Variants in FBXW8 observed in about 807,000 individuals in gnomAD.
FBXW8 encodes the protein F-box and WD repeat domain containing 8.
FBXW8 carries 57 observed loss-of-function variants against 65.3 expected under a neutral mutation model. That is an observed-to-expected ratio of 0.87 (90% CI 0.71 to 1.09). FBXW8 has a LOEUF of 1.09. Ranked by LOEUF, FBXW8 falls within the 50% of genes least tolerant of loss-of-function variation. The pLI is 0.00. For synonymous variants in FBXW8, 308 were observed against 330.2 expected (o/e 0.93, Z 0.73); for missense variants, 777 against 814.8 (o/e 0.95, Z 0.57).
At chr12:116,954,821 C>T (rs1229748203) in intron 4 of FBXW8, among the ~76,000 whole-genome samples, 3 of 152,166 alleles carry the variant, frequency 2.0e-5, no homozygotes, top group Non-Finnish European at 2.9e-5. Flanking sequence ...TGCCATCTTC[C>T]TGTTAGTGCT....
intron 4 of FBXW8, among the ~76,000 whole-genome samples, chr12:116,956,988 C>G (rs779463813): frequency 1.3e-5 from 2 of 151,928 alleles, no homozygotes; most frequent in Non-Finnish European, 2.9e-5. Flanking sequence ...ACAAAGTCAT[C>G]TAAGGTAACT....
rs761140408 is a variant in FBXW8 at position 116,928,059 on chromosome 12, C to T, written c.355C>T (p.Leu119=). The part of the protein sequence containing the change: ...MNDVPFFDIQ[L]PYELAINIFQ... ...TGATGTGCCTTTCTTTGATATCCAA[C>T]TGCCTTACGAATTGGCAATCAATAT... is the stretch of plus-strand genomic sequence containing the variant. The change falls in exon 2 of 11, where the codon CTG becomes TTG. Residue 119 remains leucine (L), a synonymous_variant. Transcript: ENST00000652555. 1 of 1,610,434 alleles carries T rather than the reference C, an allele frequency of 6.2e-7. No homozygotes were observed. The highest frequency in any genetic ancestry group is 8.5e-7 in the Non-Finnish European group (1 of 1,178,560).
chr12:116,957,988 C>A (rs919398079), intron 4 of FBXW8, among the ~76,000 whole-genome samples: 2 of 152,164 alleles, frequency 1.3e-5, no homozygotes, highest in Non-Finnish European at 2.9e-5. Context: ...TCTGGTTCTC[C>A]GAGGAATAAT....
intron 8 of FBXW8, among the ~76,000 whole-genome samples, chr12:117,017,899 C>T (rs757079409): frequency 3.3e-5 from 5 of 152,216 alleles, no homozygotes; most frequent in Non-Finnish European, 7.3e-5. Context: ...TACAGAGTCT[C>T]AGTGCTTGCT....
chr12:117,007,826 T>C (rs1953715220), intron 7 of FBXW8, among the ~76,000 whole-genome samples: 1 of 151,482 alleles, frequency 6.6e-6, no homozygotes, highest in African/African-American at 2.4e-5. Context: ...AGAGAGAGAG[T>C]GCGTGGGAGG....
Position 117,016,110 on chromosome 12 carries a change from A to G in FBXW8, c.1367+5660A>G, listed in dbSNP as rs117635285. On this transcript the variant is annotated intron_variant, in intron 8 of 10. Coordinates refer to ENST00000652555, the MANE Select transcript of FBXW8 (RefSeq NM_153348.3). ...TTTGGGTTGCTTCCACCTTTTGACT[A>G]TTATAATGCTACTGTTATCATTTAT... Among the ~76,000 whole-genome samples, 17 of 152,344 alleles carry G rather than the reference A, an allele frequency of 1.1e-4. No homozygotes were observed. In the East Asian group the frequency reaches 2.7e-3, roughly 24 times the overall value.
rs1268044907 is a variant in FBXW8 at position 116,931,985 on chromosome 12, T to C, written c.423+3858T>C. ...TGACTTTAGCTTTGGTTTTGTCACA[T>C]GTGGCCTTTATTGTGTTAAAGTACA... is the stretch of plus-strand genomic sequence containing the variant. On this transcript the variant is annotated intron_variant, in intron 2 of 10. Coordinates refer to ENST00000652555, the MANE Select transcript of FBXW8 (RefSeq NM_153348.3). Among the ~76,000 whole-genome samples, 10 of 152,336 alleles carry C rather than the reference T, an allele frequency of 6.6e-5. 1 individual carries two copies. The highest frequency in any genetic ancestry group is 5.8e-4 in the East Asian group (3 of 5,190).
intron 4 of FBXW8, among the ~76,000 whole-genome samples, chr12:116,963,988 G>T (rs1884151661): frequency 6.6e-6 from 1 of 152,200 alleles, no homozygotes; most frequent in East Asian, 1.9e-4. Flanking sequence ...CATCCTGGGG[G>T]CCTCAAGTCT....
chr12:116,991,935 A>C (rs576105636), intron 7 of FBXW8, among the ~76,000 whole-genome samples: 2 of 152,298 alleles, frequency 1.3e-5, no homozygotes, highest in South Asian at 4.1e-4. Context: ...CCTCAGCTGC[A>C]TGAGCATGGA....
At chr12:116,979,659 G>A (rs1023256147) in intron 5 of FBXW8, 2 of 151,728 alleles carry the variant, frequency 1.3e-5, no homozygotes, top group Non-Finnish European at 2.9e-5. Context: ...CTTTTATCCA[G>A]CTATTGAGGT....
At position 117,028,240 on chromosome 12, in the gene FBXW8, G is replaced by T; in HGVS notation, c.*68G>T. The stretch of plus-strand genomic sequence containing the variant: ...CAGTTTTATCCATCTTAAAACGCCA[G>T]GCACCTCTTCACAGGTGGTAAACAT... On this transcript the variant is annotated 3_prime_UTR_variant, in exon 11 of 11. Coordinates refer to ENST00000652555, the MANE Select transcript of FBXW8 (RefSeq NM_153348.3). The surrounding 1 kb of genome is among the most constrained non-coding windows in gnomAD (Gnocchi z 4.1). 6.3e-7 allele frequency: 1 copy of T among 1,582,584 alleles called. No individual in the cohort carries two copies.
At chr12:117,022,871 A>G (rs1954134044) in intron 8 of FBXW8, among the ~76,000 whole-genome samples, 1 of 152,024 alleles carries the variant, frequency 6.6e-6, no homozygotes, top group Non-Finnish European at 1.5e-5. Flanking sequence ...CATAGCATAT[A>G]TTTTTACTTT....
chr12:117,017,987 C>T (rs61193113), intron 8 of FBXW8, among the ~76,000 whole-genome samples: 1,994 of 152,196 alleles, frequency 0.013, 39 homozygotes, highest in African/African-American at 0.045. Context: ...GTGATTGGGG[C>T]GTAAATGTTG....
intron 1 of FBXW8, among the ~76,000 whole-genome samples, chr12:116,917,546 G>A (rs1279693319): frequency 6.6e-6 from 1 of 152,232 alleles, no homozygotes; most frequent in Non-Finnish European, 1.5e-5. Context: ...CCACTTCAGA[G>A]TCTTCAGTAT....
intron 4 of FBXW8, among the ~76,000 whole-genome samples, chr12:116,958,384 C>T (rs944204701): frequency 1.3e-5 from 2 of 152,236 alleles, no homozygotes; most frequent in South Asian, 2.1e-4. Flanking sequence ...AATAGTTCTT[C>T]AAACTTTTAC....
intron 7 of FBXW8, among the ~76,000 whole-genome samples, chr12:117,001,084 C>T (rs752788686): frequency 1.4e-4 from 22 of 151,974 alleles, no homozygotes; most frequent in South Asian, 4.2e-4. Context: ...AAGGATATTC[C>T]GAAGGAATTT....
chr12:116,969,238 T>G (rs1884506577), intron 5 of FBXW8, among the ~76,000 whole-genome samples: 1 of 152,212 alleles, frequency 6.6e-6, no homozygotes, highest in African/African-American at 2.4e-5. Context: ...CGTTTCAAGT[T>G]CATTTTGGTA....
intron 9 of FBXW8, among the ~76,000 whole-genome samples, chr12:117,026,875 T>C (rs1954245174): frequency 6.6e-6 from 1 of 152,190 alleles, no homozygotes; most frequent in African/African-American, 2.4e-5. Flanking sequence ...TTCAAGAGAC[T>C]TGGAACCATT....
chr12:116,942,770 A>ATTTTT lies in FBXW8; in HGVS notation c.424-2573_424-2569dup, dbSNP rs71099022. On this transcript the variant is annotated intron_variant, in intron 2 of 10. Transcript: ENST00000652555. ...TGTACTTTTTAACTCCAGAGCTTCT[A>ATTTTT]TTTTTTTTTTTTTTTTTTTTTTTTT... Among the ~76,000 whole-genome samples the ATTTTT allele has an allele frequency of 2.5e-3, 163 of 64,364 alleles. 11 individuals are homozygous for ATTTTT. The highest frequency in any genetic ancestry group is 9.3e-3 in the African/African-American group (147 of 15,780). 42.2% of individuals were successfully genotyped at this position (64,364 alleles called of 152,430 possible).
Sources: gnomAD v4.1 joint callset for allele counts (sites outside exome capture counted in the v4.1 genomes callset) on GRCh38, gnomAD v4.1.1 for gene constraint, Gnocchi (gnomAD v3.1) non-coding constraint, MANE v1.5 for transcripts, NCBI Gene and HGNC (gene_info 2026-07-23, HGNC 2026-07-21) for gene names.